Variants in MAPK6 observed in about 807,000 individuals in gnomAD.
The protein encoded by MAPK6 is ERK-3.
In MAPK6, 19 loss-of-function variants were observed where a neutral mutation model predicts 59.3. The observed-to-expected ratio is 0.32, with a 90% CI of 0.22 to 0.47. The LOEUF is 0.47. Ranked by LOEUF, MAPK6 falls within the 20% of genes least tolerant of loss-of-function variation. MAPK6 has a pLI of 1.00. For synonymous variants in MAPK6, 316 were observed against 290.3 expected, an observed-to-expected ratio of 1.09 and a Z score of -0.90; for missense variants, 724 against 847.9, an observed-to-expected ratio of 0.85 and a Z score of 1.81.
intron 3 of MAPK6, among the ~76,000 whole-genome samples, chr15:52,006,954 C>T (rs1398777095): frequency 2.6e-5 from 4 of 151,818 alleles, no homozygotes; most frequent in Non-Finnish European, 5.9e-5. Flanking sequence ...ATGTATTTTC[C>T]CCAGAGAATC....
chr15:51,997,392 C>T (rs566941664), intron 2 of MAPK6, among the ~76,000 whole-genome samples: 2 of 138,866 alleles, frequency 1.4e-5, no homozygotes, highest in Non-Finnish European at 3.0e-5. Flanking sequence ...CTGCCTCAGC[C>T]TCCTAAGTAG....
intron 3 of MAPK6, among the ~76,000 whole-genome samples, chr15:52,056,063 T>TTAATTAGGTATAAGTTGC (rs2031969776): frequency 6.6e-6 from 1 of 152,206 alleles, no homozygotes; most frequent in South Asian, 2.1e-4. Context: ...TGAGTGGTTA[T>TTAATTAGGTATAAGTTGC]TAATTAGGTA....
At chr15:51,987,540 C>T (rs945855132) in intron 2 of MAPK6, among the ~76,000 whole-genome samples, 6 of 151,314 alleles carry the variant, frequency 4.0e-5, no homozygotes, top group Non-Finnish European at 5.9e-5. Flanking sequence ...AGTGTGGGGT[C>T]GGTGGGGAGC....
chr15:52,052,576 C>G (rs886857569), intron 3 of MAPK6, among the ~76,000 whole-genome samples: 33 of 75,156 alleles, frequency 4.4e-4, no homozygotes, highest in African/African-American at 1.1e-3. Context: ...TTCCTCTTTC[C>G]CCCAGCCCCT....
At chr15:52,027,057 G>A (rs1279854568) in intron 1 of MAPK6, among the ~76,000 whole-genome samples, 3 of 148,838 alleles carry the variant, frequency 2.0e-5, no homozygotes, top group African/African-American at 7.5e-5. Flanking sequence ...CTTGAAAAAA[G>A]AAAATGCCTG....
chr15:52,047,216 GTTA>G (rs1370216355), intron 2 of MAPK6, among the ~76,000 whole-genome samples: 7 of 152,032 alleles, frequency 4.6e-5, no homozygotes, highest in African/African-American at 1.7e-4. Flanking sequence ...AAAATACATG[GTTA>G]TTATAATGAA....
chr15:51,997,134 T>C (rs939097857), intron 2 of MAPK6, among the ~76,000 whole-genome samples: 1 of 150,958 alleles, frequency 6.6e-6, no homozygotes, highest in East Asian at 2.0e-4. Context: ...CGCCCGCCAC[T>C]ACACCCAGCT....
chr15:52,008,077 C>A (rs1448662807), intron 3 of MAPK6, among the ~76,000 whole-genome samples: 3 of 152,078 alleles, frequency 2.0e-5, no homozygotes, highest in African/African-American at 7.2e-5. Flanking sequence ...AAACTCCTGA[C>A]CTCAGGTGAT....
At chr15:52,029,586 C>G (rs1233472086) in intron 1 of MAPK6, among the ~76,000 whole-genome samples, 1 of 152,186 alleles carries the variant, frequency 6.6e-6, no homozygotes, top group Non-Finnish European at 1.5e-5. Context: ...AGGCAGTTGT[C>G]TAAATATACC....
intron 1 of MAPK6, among the ~76,000 whole-genome samples, chr15:52,019,683 C>T (rs1342117110): frequency 6.7e-6 from 1 of 148,388 alleles, no homozygotes; most frequent in Non-Finnish European, 1.5e-5. Context: ...CCACCCGGCA[C>T]GCCCCTCGCC....
At chr15:52,022,991 C>T (rs2030595501) in intron 1 of MAPK6, among the ~76,000 whole-genome samples, 1 of 150,620 alleles carries the variant, frequency 6.6e-6, no homozygotes, top group South Asian at 2.1e-4. Flanking sequence ...CCTGTAATCC[C>T]AGCTACTCAG....
chr15:52,043,048 C>A (rs1329810989), intron 1 of MAPK6, among the ~76,000 whole-genome samples: 1 of 152,020 alleles, frequency 6.6e-6, no homozygotes, highest in African/African-American at 2.4e-5. Context: ...GGGAGGATTG[C>A]TTGAGCCCAG....
At chr15:52,030,745 G>T (rs1260906335) in intron 1 of MAPK6, among the ~76,000 whole-genome samples, 1 of 145,708 alleles carries the variant, frequency 6.9e-6, no homozygotes, top group Non-Finnish European at 1.5e-5. Context: ...TCCTGCCTCA[G>T]CCTCCCGAGT....
chr15:51,984,363 G>C (rs1751006372), intron 2 of MAPK6, among the ~76,000 whole-genome samples: 1 of 150,864 alleles, frequency 6.6e-6, no homozygotes, highest in Non-Finnish European at 1.5e-5. Flanking sequence ...CTCACTGCAA[G>C]CTCCGCCTTC....
intron 1 of MAPK6, chr15:52,033,906 A>G (rs1235297609): frequency 6.6e-6 from 1 of 151,340 alleles, no homozygotes; most frequent in African/African-American, 2.4e-5. Context: ...TAAATCAGCT[A>G]TCATTCTTAT....
In MAPK6 at chr15:52,031,944, A is replaced by G. The variant is rs181379018; in HGVS notation, c.-632+12568A>G. ...GAGGCGGAGTCTCGCTCTGTTGCCCAGGTTGGAGTACAGTGACACGATCTC... is the reference window on the plus strand; with the variant it reads ...GAGGCGGAGTCTCGCTCTGTTGCCCGGGTTGGAGTACAGTGACACGATCTC... On this transcript the variant is annotated intron_variant, in intron 1 of 5. Transcript: ENST00000261845. Among the ~76,000 whole-genome samples the G allele has an allele frequency of 4.0e-3, 611 of 151,818 alleles. 2 individuals carry two copies. Among genetic ancestry groups the G allele is most frequent in the Admixed American group, 7.4e-3 (112 of 15,210 alleles).
chr15:52,057,900 T>C (rs990988351), intron 3 of MAPK6, among the ~76,000 whole-genome samples: 2 of 152,254 alleles, frequency 1.3e-5, no homozygotes, highest in Non-Finnish European at 2.9e-5. Flanking sequence ...ATCCACAAGA[T>C]TGTAAGATCC....
chr15:52,002,358 C>A (rs2057244496), intron 2 of MAPK6, among the ~76,000 whole-genome samples: 1 of 152,182 alleles, frequency 6.6e-6, no homozygotes, highest in South Asian at 2.1e-4. Context: ...GTAACAGGTC[C>A]TCCCTACCAG....
intron 3 of MAPK6, among the ~76,000 whole-genome samples, chr15:52,054,239 G>A (rs1431232200): frequency 7.9e-5 from 12 of 151,692 alleles, no homozygotes; most frequent in African/African-American, 9.7e-5. Context: ...ATGGTGGCGC[G>A]CACCTACAAT....
Sources: allele counts gnomAD v4.1 joint callset (sites outside exome capture counted in the v4.1 genomes callset), GRCh38; gene constraint gnomAD v4.1.1; transcripts MANE v1.5; gene names NCBI Gene and HGNC (gene_info 2026-07-23, HGNC 2026-07-21).